LRRC7: variants seen among roughly 807,000 people sequenced by gnomAD.
LRRC7 encodes leucine-rich repeat-containing protein 7.
Under a neutral mutation model 175.7 loss-of-function variants are expected in LRRC7, and 23 were observed. That is an observed-to-expected ratio of 0.13 (90% CI 0.09 to 0.19). The LOEUF is 0.19. Among genes scored for constraint, LRRC7 ranks in the 10% least tolerant of loss-of-function variants. The pLI is 1.00. For missense variants in LRRC7, 1,354 were observed against 1,904.7 expected (o/e 0.71, Z 5.38); for synonymous variants, 685 against 680.9 (o/e 1.01, Z -0.09).
chr1:70,090,463 C>T (rs1012158600), intron 25 of LRRC7, among the ~76,000 whole-genome samples: 19 of 152,046 alleles, frequency 1.2e-4, no homozygotes, highest in African/African-American at 4.6e-4. Context: ...CAAGATGTTG[C>T]CTCTGCTCAC....
intron 2 of LRRC7, among the ~76,000 whole-genome samples, chr1:69,745,671 A>T (rs1228238843): frequency 6.6e-6 from 1 of 151,886 alleles, no homozygotes; most frequent in Non-Finnish European, 1.5e-5. Context: ...ATGCTAAATT[A>T]AAAAGCATAA....
chr1:69,959,470 A>T (rs969290359), intron 8 of LRRC7, among the ~76,000 whole-genome samples: 1 of 152,140 alleles, frequency 6.6e-6, no homozygotes, highest in Non-Finnish European at 1.5e-5. Context: ...CCAGTGGTAT[A>T]TTTGCAATTG....
At chr1:69,866,623 C>T (rs1015140495) in intron 7 of LRRC7, among the ~76,000 whole-genome samples, 1 of 152,134 alleles carries the variant, frequency 6.6e-6, no homozygotes, top group African/African-American at 2.4e-5. Context: ...AGCATCAGAA[C>T]ATTCTTAAAC....
rs1659645864 is a variant in LRRC7 at position 70,039,275 on chromosome 1, C to T, written c.3451C>T (p.Leu1151=). The T allele has an allele frequency of 3.1e-6, 5 of 1,614,062 alleles. No individual in the cohort carries two copies. The highest frequency in any genetic ancestry group is 4.2e-6 in the Non-Finnish European group (5 of 1,179,992). Reference sequence around the variant, plus strand: ...AAGCCAAGGGGCCAGGGCGGGCTTCCTGAGAAGGGCCGACTCCCTGGTGAG... The same window carrying T: ...AAGCCAAGGGGCCAGGGCGGGCTTCTTGAGAAGGGCCGACTCCCTGGTGAG... ...FASQGARAGF[L]RRADSLVSAT... is the part of the protein sequence containing the mutation. Residue 1151 remains leucine, a synonymous_variant, in exon 21 of 27, where the codon CTG becomes TTG. Coordinates refer to ENST00000651989, the MANE Select transcript of LRRC7 (RefSeq NM_001370785.2).
chr1:69,745,710 T>C lies in LRRC7; in HGVS notation c.101-14481T>C, dbSNP rs142997643. Reference sequence around the variant, plus strand: ...AAAACAATGTATTAATTCTTAATAATATATTTGTGTGTTGATGTGTGTGTG... The same window carrying C: ...AAAACAATGTATTAATTCTTAATAACATATTTGTGTGTTGATGTGTGTGTG... On this transcript the variant is annotated intron_variant, in intron 2 of 26. Transcript: ENST00000651989. Among the ~76,000 whole-genome samples, 38 of 151,986 alleles carry C rather than the reference T, an allele frequency of 2.5e-4. 1 individual carries two copies. Among genetic ancestry groups the C allele is most frequent in the Middle Eastern group, 3.4e-3 (1 of 294 alleles).
At chr1:69,716,008 G>A (rs1329293593) in intron 2 of LRRC7, 1 of 369,026 alleles carries the variant, frequency 2.7e-6, no homozygotes, top group East Asian at 4.0e-5. Context: ...TATAGGATAT[G>A]TAACCTGACA....
intron 7 of LRRC7, among the ~76,000 whole-genome samples, chr1:69,870,564 GA>G (rs1233940442): frequency 6.6e-6 from 1 of 151,832 alleles, no homozygotes; most frequent in Admixed American, 6.6e-5. Flanking sequence ...GCTCCCTTAT[GA>G]AAAAAATATC....
chr1:69,966,940 A>C (rs1651724721), intron 8 of LRRC7, among the ~76,000 whole-genome samples: 2 of 152,352 alleles, frequency 1.3e-5, no homozygotes, highest in South Asian at 4.1e-4. Context: ...TGAACTGATC[A>C]AGAAGTCTCC....
rs144786817 is a variant in LRRC7 at position 69,821,290 on chromosome 1, C to T, written c.422-4458C>T. ...TCCTTTTCATTCTGTCTTCATTTTT[C>T]TACTCTGACTGGATAATCTTAAATG... On this transcript the variant is annotated intron_variant, in intron 4 of 26. Coordinates refer to ENST00000651989, the MANE Select transcript of LRRC7 (RefSeq NM_001370785.2). Among the ~76,000 whole-genome samples the T allele has an allele frequency of 3.4e-3, 520 of 152,174 alleles. 1 individual carries two copies. The highest frequency in any genetic ancestry group is 0.011 in the African/African-American group (471 of 41,550).
chr1:69,782,996 A>C (rs933724538), intron 3 of LRRC7, among the ~76,000 whole-genome samples: 1 of 152,232 alleles, frequency 6.6e-6, no homozygotes. Flanking sequence ...TTCCTACAGG[A>C]TAAAGCTCAG....
At chr1:69,599,816 T>G (rs1646980377) in intron 1 of LRRC7, among the ~76,000 whole-genome samples, 1 of 152,206 alleles carries the variant, frequency 6.6e-6, no homozygotes, top group Admixed American at 6.5e-5. Context: ...AAATCATGGT[T>G]GTTCTAGCTC....
intron 23 of LRRC7, among the ~76,000 whole-genome samples, chr1:70,068,465 A>G (rs1323959359): frequency 6.6e-6 from 1 of 152,130 alleles, no homozygotes; most frequent in Admixed American, 6.5e-5. Context: ...TGGTCATGGT[A>G]TATCATTCTT....
chr1:70,094,375 A>AG (rs902711964), intron 25 of LRRC7, among the ~76,000 whole-genome samples: 4 of 152,302 alleles, frequency 2.6e-5, no homozygotes, highest in African/African-American at 9.6e-5. Flanking sequence ...AAATGATAGA[A>AG]AAAAACAAAT....
At chr1:69,902,372 C>A (rs1288502602) in intron 7 of LRRC7, among the ~76,000 whole-genome samples, 2 of 152,120 alleles carry the variant, frequency 1.3e-5, no homozygotes, top group African/African-American at 4.8e-5. Context: ...GAGTTTGAGA[C>A]CAGCCTGGGC....
intron 18 of LRRC7, among the ~76,000 whole-genome samples, chr1:70,028,967 T>G (rs1464499701): frequency 3.9e-5 from 6 of 152,164 alleles, no homozygotes; most frequent in African/African-American, 9.7e-5. Context: ...TTATGCCACC[T>G]CTACTATTTC....
chr1:70,113,305 GA>G (rs200880336), intron 26 of LRRC7, among the ~76,000 whole-genome samples: 3 of 151,802 alleles, frequency 2.0e-5, no homozygotes, highest in Non-Finnish European at 2.9e-5. Flanking sequence ...TCAGCTATAA[GA>G]AAAAAAACAT....
chr1:70,124,080 G>GT lies in LRRC7; in HGVS notation c.*2193_*2194insT, dbSNP rs1666335087. ...TCCTGATGTGACAACATTGTCCTGA[G>GT]CCACTTCTTTAGTACTTCCTGTTCT... On this transcript the variant is annotated 3_prime_UTR_variant, in exon 27 of 27. Coordinates refer to ENST00000651989, the MANE Select transcript of LRRC7 (RefSeq NM_001370785.2). Among the ~76,000 whole-genome samples the GT allele has an allele frequency of 6.6e-6, 1 of 152,150 alleles. No individual in the cohort carries two copies. Among genetic ancestry groups the GT allele is most frequent in the Non-Finnish European group, 1.5e-5 (1 of 68,018 alleles).
chr1:69,643,903 A>G (rs1475816521), intron 1 of LRRC7, among the ~76,000 whole-genome samples: 1 of 152,144 alleles, frequency 6.6e-6, no homozygotes, highest in Non-Finnish European at 1.5e-5. Context: ...TAAATGTCCT[A>G]AATTAAACAA....
intron 3 of LRRC7, among the ~76,000 whole-genome samples, chr1:69,781,236 C>G (rs1225206069): frequency 2.6e-5 from 4 of 152,074 alleles, no homozygotes; most frequent in African/African-American, 9.7e-5. Context: ...TGTAATTCTT[C>G]TGGGGCCTGC....
Sources: allele counts gnomAD v4.1 joint callset (sites outside exome capture counted in the v4.1 genomes callset), GRCh38; gene constraint gnomAD v4.1.1; transcripts MANE v1.5; gene names NCBI Gene and HGNC (gene_info 2026-07-23, HGNC 2026-07-21).